The following OLFM3 variants were observed in gnomAD, a reference collection of about 807,000 sequenced individuals.
OLFM3 encodes olfactomedin 3.
In OLFM3, 20 loss-of-function variants were observed where a neutral mutation model predicts 48.6. The observed-to-expected ratio is 0.41, with a 90% confidence interval of 0.29 to 0.60. OLFM3 has a LOEUF of 0.60. OLFM3 is among the 20% of genes least tolerant of loss of function. OLFM3 has a pLI of 0.28. For missense variants in OLFM3, 437 were observed against 544.3 expected (o/e 0.80, Z 1.96); for synonymous variants, 222 against 198.1 (o/e 1.12, Z -1.01).
intron 4 of OLFM3, among the ~76,000 whole-genome samples, chr1:101,822,414 A>T (rs1654653812): frequency 6.6e-6 from 1 of 152,146 alleles, no homozygotes; most frequent in Non-Finnish European, 1.5e-5. Context: ...TGTACTTAGC[A>T]GATGCCGGCT....
chr1:101,812,325 A>T, intron 4 of OLFM3: 2 of 681,600 alleles, frequency 2.9e-6, no homozygotes, highest in Non-Finnish European at 3.6e-6. Flanking sequence ...CTTAGAACTT[A>T]AAGTGTAATT....
intron 1 of OLFM3, among the ~76,000 whole-genome samples, chr1:101,863,257 A>C (rs953437288): frequency 5.3e-5 from 8 of 152,232 alleles, no homozygotes; most frequent in Non-Finnish European, 8.8e-5. Context: ...TATAGGCATA[A>C]GCCAGTGTGC....
chr1:101,873,841 C>T (rs755752044), intron 1 of OLFM3, among the ~76,000 whole-genome samples: 17 of 151,782 alleles, frequency 1.1e-4, no homozygotes, highest in Admixed American at 2.0e-4. Flanking sequence ...AATACTTCCT[C>T]ATCATTTAAA....
chr1:101,893,446 C>T (rs3748653), intron 1 of OLFM3: 144,457 of 270,840 alleles, frequency 0.53, 39,374 homozygotes, highest in East Asian at 0.58. Context: ...TGGGAGAAGA[C>T]GATTCTAGAA....
intron 1 of OLFM3, among the ~76,000 whole-genome samples, chr1:101,934,768 C>G (rs1266610996): frequency 6.6e-6 from 1 of 151,924 alleles, no homozygotes; most frequent in Admixed American, 6.6e-5. Context: ...CACCAAAACA[C>G]TTTTTGACCT....
intron 1 of OLFM3, among the ~76,000 whole-genome samples, chr1:101,905,703 T>C (rs1051506118): frequency 6.6e-6 from 1 of 152,114 alleles, no homozygotes; most frequent in Non-Finnish European, 1.5e-5. Context: ...AGAATTGTGA[T>C]TGGTCATTAA....
At chr1:101,841,213 T>C (rs1655703745) in intron 1 of OLFM3, among the ~76,000 whole-genome samples, 1 of 152,202 alleles carries the variant, frequency 6.6e-6, no homozygotes, top group Non-Finnish European at 1.5e-5. Flanking sequence ...TGCATTTCAA[T>C]AGATTTTTTG....
intron 1 of OLFM3, among the ~76,000 whole-genome samples, chr1:101,991,016 A>AAAAAATATATAT (rs1553186119): frequency 4.7e-4 from 15 of 32,198 alleles, no homozygotes; most frequent in South Asian, 1.5e-3. Context: ...AAAAAAAAAA[A>AAAAAATATATAT]ATATATATAT....
chr1:101,841,638 A>G (rs753298121), intron 1 of OLFM3, among the ~76,000 whole-genome samples: 78 of 152,358 alleles, frequency 5.1e-4, no homozygotes, highest in Non-Finnish European at 9.4e-4. Flanking sequence ...ATATATAGTC[A>G]GATATTCCTG....
chr1:101,848,832 T>C (rs1290239053), intron 1 of OLFM3, among the ~76,000 whole-genome samples: 3 of 152,112 alleles, frequency 2.0e-5, no homozygotes, highest in Non-Finnish European at 4.4e-5. Context: ...AAAGAAAATA[T>C]ACATATAATT....
chr1:101,815,274 G>A lies in OLFM3; in HGVS notation c.593-9092C>T, dbSNP rs546797228. 4.0e-5 allele frequency among the ~76,000 whole-genome samples: 6 copies of A among 151,874 alleles called. No individual in the cohort carries two copies. In the East Asian group the frequency reaches 7.8e-4, roughly 20 times the overall value. On this transcript the variant is annotated intron_variant, in intron 4 of 5. Transcript: ENST00000370103. ...ATCCTGGCTAACACGGTGAAACCCC[G>A]TCTTTATTAAAAATACAAAAAAAAT...
At chr1:101,921,681 TA>T (rs1048570812) in intron 1 of OLFM3, among the ~76,000 whole-genome samples, 1 of 152,198 alleles carries the variant, frequency 6.6e-6, no homozygotes, top group Non-Finnish European at 1.5e-5. Flanking sequence ...TTTTTGAGCA[TA>T]ATAAATGCAT....
intron 1 of OLFM3, among the ~76,000 whole-genome samples, chr1:101,982,433 G>C (rs1417591558): frequency 6.6e-6 from 1 of 152,184 alleles, no homozygotes; most frequent in Non-Finnish European, 1.5e-5. Context: ...AGAGAATATA[G>C]AGACACTTAG....
At chr1:101,931,034 A>G (rs1659429148) in intron 1 of OLFM3, among the ~76,000 whole-genome samples, 1 of 152,230 alleles carries the variant, frequency 6.6e-6, no homozygotes, top group Admixed American at 6.5e-5. Flanking sequence ...ACTCACTCAT[A>G]TAACTGTTAT....
At chr1:101,900,227 C>T (rs144716699) in intron 1 of OLFM3, among the ~76,000 whole-genome samples, 2,030 of 152,190 alleles carry the variant, frequency 0.013, 57 homozygotes, top group Admixed American at 0.064. Context: ...ATCATCCAGA[C>T]AAGTCCATGA....
chr1:101,956,697 G>A (rs1660307776), intron 1 of OLFM3, among the ~76,000 whole-genome samples: 1 of 151,748 alleles, frequency 6.6e-6, no homozygotes, highest in African/African-American at 2.4e-5. Context: ...TGGAAAGCTT[G>A]ATATTTTGAA....
At chr1:101,980,692 T>A (rs1661084324) in intron 1 of OLFM3, among the ~76,000 whole-genome samples, 1 of 152,156 alleles carries the variant, frequency 6.6e-6, no homozygotes, top group African/African-American at 2.4e-5. Context: ...CACAACCACC[T>A]AGGGTAAATA....
intron 1 of OLFM3, among the ~76,000 whole-genome samples, chr1:101,838,618 T>G (rs1223118774): frequency 6.6e-6 from 1 of 152,190 alleles, no homozygotes; most frequent in Non-Finnish European, 1.5e-5. Context: ...CTCCTGATAT[T>G]CCATTAAAAA....
At chr1:101,928,921 G>C (rs972100320) in intron 1 of OLFM3, among the ~76,000 whole-genome samples, 12 of 152,082 alleles carry the variant, frequency 7.9e-5, no homozygotes, top group African/African-American at 2.9e-4. Context: ...TGATGCTGTG[G>C]CTGTTTTGTT....
Sources: gnomAD v4.1 joint callset for allele counts (sites outside exome capture counted in the v4.1 genomes callset) on GRCh38, gnomAD v4.1.1 for gene constraint, MANE v1.5 for transcripts, NCBI Gene and HGNC (gene_info 2026-07-23, HGNC 2026-07-21) for gene names.